The following NECAB1 variants were observed in gnomAD, a reference collection of about 807,000 sequenced individuals.
NECAB1 encodes N-terminal EF-hand calcium-binding protein 1.
Under a neutral mutation model 57.5 loss-of-function variants are expected in NECAB1, and 29 were observed. The observed-to-expected ratio is 0.50, with a 90% CI of 0.38 to 0.69. NECAB1 has a LOEUF of 0.69. Ranked by LOEUF, NECAB1 falls within the 30% of genes least tolerant of loss-of-function variation. NECAB1 has a pLI of 0.00. For missense variants in NECAB1, 372 were observed against 413.8 expected (o/e 0.90, Z 0.88); for synonymous variants, 142 against 147.7 (o/e 0.96, Z 0.28).
chr8:90,822,391 T>C (rs1812156531), intron 2 of NECAB1, among the ~76,000 whole-genome samples: 1 of 151,940 alleles, frequency 6.6e-6, no homozygotes, highest in Non-Finnish European at 1.5e-5. Flanking sequence ...TGCAATTGCT[T>C]ATTTAAAAGT....
At chr8:90,858,348 A>G (rs1234682262) in intron 3 of NECAB1, among the ~76,000 whole-genome samples, 1 of 152,210 alleles carries the variant, frequency 6.6e-6, no homozygotes, top group East Asian at 1.9e-4. Flanking sequence ...CAGCAGTACC[A>G]TCTGCCACAA....
Position 90,922,537 on chromosome 8 carries a change from C to T in NECAB1, c.495-2998C>T, listed in dbSNP as rs145605564. Among the ~76,000 whole-genome samples, 133 of 114,772 alleles carry T rather than the reference C, an allele frequency of 1.2e-3. 4 individuals are homozygous for T. The East Asian group carries it at 0.043, about 37-fold the overall frequency. 75.3% of individuals were successfully genotyped at this position (114,772 alleles called of 152,430 possible). A position where few individuals can be genotyped will look rare whatever the true frequency, so the allele number is the denominator to read the frequency against. On this transcript the variant is annotated intron_variant, in intron 6 of 12. Transcript: ENST00000417640. The stretch of plus-strand genomic sequence containing the variant: ...AGATGGAGTCTCACTCTGTAGCCCA[C>T]GATGGAGTGCAGGGGCACAATCTCT...
rs1381000429 is a variant in NECAB1, at chr8:90,808,635, CTTTTCTTTTTT to C, written c.124+6925_124+6935del. On this transcript the variant is annotated intron_variant, in intron 2 of 12. Coordinates refer to ENST00000417640, the MANE Select transcript of NECAB1 (RefSeq NM_022351.5). ...ATTTTTTCATCCTAATCCTTTTTTT[CTTTTCTTTTTT>C]TTTTTTTTTTTTTTTTTGAGATGGA... Among the ~76,000 whole-genome samples, 14 of 120,336 alleles carry C rather than the reference CTTTTCTTTTTT, an allele frequency of 1.2e-4. No homozygotes were observed. The Admixed American group carries it at 1.2e-3, about 10-fold the overall frequency. 78.9% of individuals were successfully genotyped at this position (120,336 alleles called of 152,430 possible).
chr8:90,934,748 C>T (rs982911802), intron 9 of NECAB1, among the ~76,000 whole-genome samples: 1 of 152,118 alleles, frequency 6.6e-6, no homozygotes, highest in African/African-American at 2.4e-5. Context: ...ATATTTCCAG[C>T]ATTTAGCCTA....
chr8:90,872,316 C>T, intron 4 of NECAB1, 163 bp downstream of exon 4: 1 of 557,742 alleles, frequency 1.8e-6, no homozygotes. Context: ...GTGAATTTTG[C>T]TCAAGTATGT....
At chr8:90,909,617 G>A (rs528954673) in intron 5 of NECAB1, among the ~76,000 whole-genome samples, 6 of 152,020 alleles carry the variant, frequency 3.9e-5, no homozygotes, top group East Asian at 1.9e-4. Flanking sequence ...ATGTTACTAC[G>A]TTTTTTTCTG....
intron 6 of NECAB1, among the ~76,000 whole-genome samples, chr8:90,921,741 A>G (rs1285000678): frequency 6.6e-6 from 1 of 152,170 alleles, no homozygotes; most frequent in East Asian, 1.9e-4. Context: ...GATTGTGATA[A>G]TTTGCTTTCC....
chr8:90,795,584 T>G (rs1170367443), intron 1 of NECAB1, among the ~76,000 whole-genome samples: 2 of 152,174 alleles, frequency 1.3e-5, no homozygotes, highest in African/African-American at 4.8e-5. Context: ...GCCCCATATA[T>G]GCTCATTTGT....
At chr8:90,909,067 T>G (rs1809764199) in intron 5 of NECAB1, among the ~76,000 whole-genome samples, 1 of 152,168 alleles carries the variant, frequency 6.6e-6, no homozygotes, top group South Asian at 2.1e-4. Context: ...AAGCACGTTC[T>G]TCTGAACTCT....
At chr8:90,850,943 A>G (rs1019635890) in intron 3 of NECAB1, among the ~76,000 whole-genome samples, 31 of 152,140 alleles carry the variant, frequency 2.0e-4, no homozygotes, top group African/African-American at 7.5e-4. Flanking sequence ...TTGCCAGAGG[A>G]ACCAACCAAG....
chr8:90,858,035 T>C (rs1332024694), intron 3 of NECAB1, among the ~76,000 whole-genome samples: 1 of 152,186 alleles, frequency 6.6e-6, no homozygotes, highest in Non-Finnish European at 1.5e-5. Context: ...AAAAACAGCT[T>C]CACACAATGC....
chr8:90,921,560 G>T (rs1243170278), intron 6 of NECAB1, among the ~76,000 whole-genome samples: 1 of 152,122 alleles, frequency 6.6e-6, no homozygotes, highest in Non-Finnish European at 1.5e-5. Context: ...TGCAATCCCA[G>T]CTACTCTGGA....
At chr8:90,903,784 G>C (rs1205404822) in intron 5 of NECAB1, 2 of 152,182 alleles carry the variant, frequency 1.3e-5, no homozygotes, top group African/African-American at 4.8e-5. Flanking sequence ...AGACTTCTCA[G>C]AGGCCAAAAT....
In NECAB1 at chr8:90,792,037, C is replaced by T. The variant is rs983434282; in HGVS notation, c.99+52C>T. 23 of 1,434,038 alleles carry T rather than the reference C, an allele frequency of 1.6e-5. No homozygotes were observed. The African/African-American group carries it at 2.1e-4, about 13-fold the overall frequency. The allele number at this position is 1,434,038 out of a possible 1,614,324, so 88.8% of individuals were successfully genotyped here. A position where few individuals can be genotyped will look rare whatever the true frequency, so the allele number is the denominator to read the frequency against. ...GGTTGCTTCCCAGCACCTTTCTTTT[C>T]CCCGAAAGGAAGGGGTTCGGCTCAG... On this transcript the variant is annotated intron_variant, in intron 1 of 12. Transcript: ENST00000417640.
At chr8:90,893,421 C>G (rs925626714) in intron 5 of NECAB1, among the ~76,000 whole-genome samples, 5 of 152,168 alleles carry the variant, frequency 3.3e-5, no homozygotes, top group African/African-American at 1.2e-4. Flanking sequence ...ATATCGGCTC[C>G]CAGGGGAGCT....
chr8:90,844,430 A>C, intron 3 of NECAB1, among the ~76,000 whole-genome samples: 1 of 152,162 alleles, frequency 6.6e-6, no homozygotes, highest in African/African-American at 2.4e-5. Context: ...GTAATTCTTC[A>C]AAATTATCTC....
intron 3 of NECAB1, among the ~76,000 whole-genome samples, chr8:90,837,191 C>T (rs1451557088): frequency 6.6e-6 from 1 of 152,218 alleles, no homozygotes; most frequent in Non-Finnish European, 1.5e-5. Context: ...CTACTTTGGC[C>T]GAAGGCCAGC....
At chr8:90,953,482 G>T (rs1168346558) in intron 12 of NECAB1, among the ~76,000 whole-genome samples, 1 of 152,114 alleles carries the variant, frequency 6.6e-6, no homozygotes, top group Non-Finnish European at 1.5e-5. Flanking sequence ...GCCCTATTTT[G>T]TATTAATTTC....
chr8:90,872,201 GA>G, intron 4 of NECAB1, 48 bp downstream of exon 4: 1 of 1,422,774 alleles, frequency 7.0e-7, no homozygotes, highest in South Asian at 1.3e-5. Flanking sequence ...GCTTAAGAAG[GA>G]AAAAGAGTAT....
Sources: allele counts gnomAD v4.1 joint callset (sites outside exome capture counted in the v4.1 genomes callset), GRCh38; gene constraint gnomAD v4.1.1; transcripts MANE v1.5; gene names NCBI Gene and HGNC (gene_info 2026-07-23, HGNC 2026-07-21).